Variants in TSPO2 observed in about 807,000 individuals in gnomAD.
TSPO2 encodes translocator protein 2.
In TSPO2, 15 loss-of-function variants were observed where a neutral mutation model predicts 13.3. The ratio of observed to expected loss-of-function variants is 1.13; its 90% confidence interval spans 0.75 to 1.73. The LOEUF (loss-of-function observed/expected upper bound fraction) is 1.73. TSPO2 is among the 40% of genes most tolerant of loss of function. The pLI, the probability that TSPO2 is intolerant of heterozygous loss-of-function variation, is 0.00. For synonymous variants in TSPO2, 81 were observed against 91.6 expected (o/e 0.88, Z 0.66); for missense variants, 202 against 198.3 (o/e 1.02, Z -0.11).
chr6:41,042,712 G>A lies in TSPO2; in HGVS notation c.-87G>A. The A allele has an allele frequency of 1.6e-6, 1 of 630,380 alleles. No homozygotes were observed. The highest frequency in any genetic ancestry group is 1.5e-5 in the South Asian group (1 of 66,130). 39.0% of individuals were successfully genotyped at this position (630,380 alleles called of 1,614,324 possible). ...TAGAAGCAGTTACCAGTGCTGGGCA[G>A]TGTCCTCCAAGTGCCAGAGGAGTGC... On this transcript the variant is annotated 5_prime_UTR_variant, in exon 1 of 4. It adds an upstream start codon to the 5' untranslated region. Transcript: ENST00000373161.
At chr6:41,042,151 G>A (rs1342339384), upstream of TSPO2, among the ~76,000 whole-genome samples, 2 of 152,158 alleles carry the variant, frequency 1.3e-5, no homozygotes, top group Non-Finnish European at 2.9e-5. Flanking sequence ...AGGAGGGTCT[G>A]TACATTGTCC....
In TSPO2 at chr6:41,044,106, A is replaced by C. The variant is rs764914408; in HGVS notation, c.482A>C (p.His161Pro). ...HLWRDSLCPV[H>P]QPQPTEKSD ...TGGAGGGACAGCCTTTGTCCAGTGCACCAGCCTCAGCCCACGGAGAAGAGT... is the reference window on the plus strand; with the variant it reads ...TGGAGGGACAGCCTTTGTCCAGTGCCCCAGCCTCAGCCCACGGAGAAGAGT... The change falls in exon 4 of 4, where the codon CAC becomes CCC. Residue 161 changes from histidine to proline, a missense_variant. Coordinates refer to ENST00000373161, the MANE Select transcript of TSPO2 (RefSeq NM_001010873.3). 6.2e-7 allele frequency: 1 copy of C among 1,614,146 alleles called. No homozygotes were observed. The highest frequency in any genetic ancestry group is 1.1e-5 in the South Asian group (1 of 91,082).
chr6:41,043,779 G>A (rs1762631429), intron 3 of TSPO2, 81 bp downstream of exon 3: 2 of 1,558,448 alleles, frequency 1.3e-6, no homozygotes, highest in African/African-American at 1.4e-5. Context: ...TAATTCAGCA[G>A]AGCAATTGAG....
At position 41,043,118 on chromosome 6, in the gene TSPO2, G is replaced by C; in HGVS notation, c.133G>C (p.Val45Leu). The change falls in exon 2 of 4, where the codon GTC becomes CTC. Residue 45 changes from valine (V) to leucine (L), a missense_variant. Val to Leu is a conservative substitution (Grantham distance 32). Coordinates refer to ENST00000373161, the MANE Select transcript of TSPO2 (RefSeq NM_001010873.3). ...RMLSWCPFYK[V>L]LLLVQTAIYS... ...GCTGTCCTGGTGCCCATTCTACAAA[G>C]TCTTATTGCTTGTACAGACAGCCAT... 3.7e-6 allele frequency: 6 copies of C among 1,613,980 alleles called. No homozygotes were observed. Among genetic ancestry groups the C allele is most frequent in the Non-Finnish European group, 5.1e-6 (6 of 1,179,958 alleles).
At position 41,043,655 on chromosome 6, in the gene TSPO2, G is replaced by A; in HGVS notation, c.272G>A (p.Trp91Ter). 1.2e-6 allele frequency: 2 copies of A among 1,613,066 alleles called. No homozygotes were observed. The highest frequency in any genetic ancestry group is 1.1e-5 in the South Asian group (1 of 90,934). ...TATGCTGTTCAGCTCACCATCAGCT[G>A]GACTGTCCTGGTTCTCTTTTTCACA... Reference protein sequence around the residue: ...GLYAVQLTISWTVLVLFFTVH... With the variant: ...GLYAVQLTIS Residue 91 changes from tryptophan to a stop codon, truncating the protein, a stop_gained, in exon 3 of 4, where the codon TGG becomes TAG. Transcript: ENST00000373161. LOFTEE classifies it high-confidence loss of function.
At chr6:41,041,509 G>C (rs1226401292), upstream of TSPO2, among the ~76,000 whole-genome samples, 1 of 152,232 alleles carries the variant, frequency 6.6e-6, no homozygotes, top group African/African-American at 2.4e-5. Context: ...GCAGGGAGGG[G>C]CAGGGAGGGG....
At chr6:41,041,821 C>A (rs1762592669), upstream of TSPO2, among the ~76,000 whole-genome samples, 1 of 151,670 alleles carries the variant, frequency 6.6e-6, no homozygotes, top group African/African-American at 2.4e-5. Flanking sequence ...ACTAAAAATA[C>A]AAAATTAGCC....
chr6:41,043,420 GC>G, intron 2 of TSPO2, 136 bp from the exon 3 acceptor site: 1 of 1,172,132 alleles, frequency 8.5e-7, no homozygotes, highest in Non-Finnish European at 1.2e-6. Context: ...TCCCTCCCTG[GC>G]CCTTACATGA....
At chr6:41,043,417 C>A in intron 2 of TSPO2, 140 bp from the exon 3 acceptor site, 1 of 1,166,398 alleles carries the variant, frequency 8.6e-7, no homozygotes, top group Non-Finnish European at 1.2e-6. Context: ...AACTCCCTCC[C>A]TGGCCCTTAC....
chr6:41,043,871 C>T (rs1762633042), intron 3 of TSPO2, 69 bp from the exon 4 acceptor site: 2 of 1,563,738 alleles, frequency 1.3e-6, no homozygotes, highest in Admixed American at 3.6e-5. Context: ...CGTTGCTGGG[C>T]TGGGTACTGC....
At position 41,042,946 on chromosome 6, in the gene TSPO2, C is replaced by G; in HGVS notation, c.-20-20C>G. ...GCCGCAGGGGAAGGCTCATCACTAGCATGTTCTCTGCCTCCCCAGATTTTG... is the reference window on the plus strand; with the variant it reads ...GCCGCAGGGGAAGGCTCATCACTAGGATGTTCTCTGCCTCCCCAGATTTTG... On this transcript the variant is annotated intron_variant, in intron 1 of 3. Transcript: ENST00000373161. 6.2e-7 allele frequency: 1 copy of G among 1,611,020 alleles called. No individual in the cohort carries two copies. The highest frequency in any genetic ancestry group is 1.7e-5 in the Admixed American group (1 of 59,938).
rs1434055414 is a variant in TSPO2, at chr6:41,043,692, T to G, written c.309T>G (p.Pro103=). The change falls in exon 3 of 4, where the codon CCT becomes CCG. Residue 103 remains proline (P), a synonymous_variant. Coordinates refer to ENST00000373161, the MANE Select transcript of TSPO2 (RefSeq NM_001010873.3). ...TTCTCTTTTTCACAGTCCACAACCC[T>G]GGTCTGGTAAGGCACACAGTGCTCA... The part of the protein sequence containing the change: ...VLVLFFTVHN[P]GLALLHLLLL... 6.2e-7 allele frequency: 1 copy of G among 1,600,402 alleles called. No individual in the cohort carries two copies. Among genetic ancestry groups the G allele is most frequent in the Non-Finnish European group, 8.5e-7 (1 of 1,172,738 alleles).
At position 41,042,593 on chromosome 6, in the gene TSPO2, C is replaced by T. The variant is rs749659674; in HGVS notation, c.-206C>T. The T allele has an allele frequency of 4.8e-6, 2 of 418,566 alleles. No homozygotes were observed. The highest frequency in any genetic ancestry group is 9.5e-6 in the Non-Finnish European group (2 of 210,686). The allele number at this position is 418,566 out of a possible 1,614,324, so 25.9% of individuals were successfully genotyped here. On this transcript the variant is annotated 5_prime_UTR_variant, in exon 1 of 4. Coordinates refer to ENST00000373161, the MANE Select transcript of TSPO2 (RefSeq NM_001010873.3). ...AACAGTTCTCGGTGAGGGCCAGCTA[C>T]ATACCTGGCTAAGCGCTGCCCACTG...
Position 41,044,035 on chromosome 6 carries a change from C to G in TSPO2, c.411C>G (p.Pro137=), listed in dbSNP as rs746343824. 2 of 1,614,200 alleles carry G rather than the reference C, an allele frequency of 1.2e-6. No homozygotes were observed. The highest frequency in any genetic ancestry group is 1.7e-6 in the Non-Finnish European group (2 of 1,180,018). The part of the protein sequence containing the change: ...INKLAALLLL[P]YLAWLTVTSA... Reference sequence around the variant, plus strand: ...AACTGGCTGCCCTGTTACTGCTGCCCTACCTAGCCTGGCTCACCGTGACTT... The same window carrying G: ...AACTGGCTGCCCTGTTACTGCTGCCGTACCTAGCCTGGCTCACCGTGACTT... Residue 137 remains proline (P), a synonymous_variant, in exon 4 of 4, where the codon CCC becomes CCG. Transcript: ENST00000373161.
At position 41,043,027 on chromosome 6, in the gene TSPO2, G is replaced by A. The variant is rs1561833220; in HGVS notation, c.42G>A (p.Leu14=). ...CTATCTTTGTGCTCCTGCCCCACCT[G>A]GGGCCCATCCTGGTCTGGCTGTTCA... is the stretch of plus-strand genomic sequence containing the variant. ...QGAIFVLLPH[L]GPILVWLFTR... is the part of the protein sequence containing the mutation. Residue 14 remains leucine, a synonymous_variant, in exon 2 of 4, where the codon CTG becomes CTA. Transcript: ENST00000373161. 1.2e-6 allele frequency: 2 copies of A among 1,614,102 alleles called. No individual in the cohort carries two copies. Among genetic ancestry groups the A allele is most frequent in the Non-Finnish European group, 1.7e-6 (2 of 1,180,004 alleles).
Position 41,044,131 on chromosome 6 carries a change from T to A in TSPO2, c.507T>A (p.Ser169Arg). 1 of 1,612,724 alleles carries A rather than the reference T, an allele frequency of 6.2e-7. No homozygotes were observed. Residue 169 changes from serine (S) to arginine (R), a missense_variant, in exon 4 of 4, where the codon AGT becomes AGA. Transcript: ENST00000373161. ...ACCAGCCTCAGCCCACGGAGAAGAG[T>A]GACTGAGGCCCTAGGGCATGGGAGA... ...PVHQPQPTEKSD is the reference protein window; with the variant it reads ...PVHQPQPTEKRD
chr6:41,043,790 T>C, intron 3 of TSPO2, 92 bp downstream of exon 3: 2 of 1,550,986 alleles, frequency 1.3e-6, no homozygotes, highest in South Asian at 2.4e-5. Flanking sequence ...AGCAATTGAG[T>C]GCAGGCAGGT....
intron 1 of TSPO2, 39 bp from the exon 2 acceptor site, chr6:41,042,927 G>C (rs1391425359): frequency 2.5e-6 from 4 of 1,594,592 alleles, no homozygotes; most frequent in Non-Finnish European, 2.6e-6. Flanking sequence ...AGGAGCCGCA[G>C]GGGAAGGCTC....
chr6:41,042,995 CA>C lies in TSPO2; in HGVS notation c.12del (p.Ala6LeufsTer113). On this transcript the variant is annotated frameshift_variant, in exon 2 of 4. Transcript: ENST00000373161. LOFTEE classifies it high-confidence loss of function. The part of the protein sequence containing the change: MRL[Q>X]GAIFVLLPHL... Reference sequence around the variant, plus strand: ...TGCCTCTTCAAGGTGAATGCGGCTTCAAGGGGCTATCTTTGTGCTCCTGCCC... The same window carrying C: ...TGCCTCTTCAAGGTGAATGCGGCTTCAGGGGCTATCTTTGTGCTCCTGCCC... 1 of 1,613,850 alleles carries C rather than the reference CA, an allele frequency of 6.2e-7. No homozygotes were observed. Among genetic ancestry groups the C allele is most frequent in the Non-Finnish European group, 8.5e-7 (1 of 1,179,866 alleles).
Sources: gnomAD v4.1 joint callset for allele counts (sites outside exome capture counted in the v4.1 genomes callset) on GRCh38, gnomAD v4.1.1 for gene constraint, MANE v1.5 for transcripts, NCBI Gene and HGNC (gene_info 2026-07-23, HGNC 2026-07-21) for gene names.